Variants in DAB1 observed in about 807,000 individuals in gnomAD.
DAB1 encodes the protein DAB adaptor protein 1.
DAB1 carries 15 observed loss-of-function variants against 64.6 expected under a neutral mutation model. The ratio of observed to expected loss-of-function variants is 0.23; its 90% CI spans 0.16 to 0.36. The LOEUF (loss-of-function observed/expected upper bound fraction) is 0.36. DAB1 is among the 10% of genes least tolerant of loss of function. DAB1 has a pLI of 1.00. For missense variants in DAB1, 596 were observed against 706.7 expected (o/e 0.84, Z 1.78); for synonymous variants, 235 against 251.9 (o/e 0.93, Z 0.64).
intron 3 of DAB1, among the ~76,000 whole-genome samples, chr1:58,345,985 G>C (rs1270614391): frequency 6.6e-6 from 1 of 152,194 alleles, no homozygotes; most frequent in Non-Finnish European, 1.5e-5. Flanking sequence ...CTCAGAGTGA[G>C]ACACTGAGGA....
intron 4 of DAB1, among the ~76,000 whole-genome samples, chr1:58,202,171 G>T (rs1658032631): frequency 6.6e-6 from 1 of 152,158 alleles, no homozygotes; most frequent in Admixed American, 6.5e-5. Flanking sequence ...AGACAATCTG[G>T]AAATTAGATG....
intron 5 of DAB1, among the ~76,000 whole-genome samples, chr1:58,143,843 T>C (rs1454768406): frequency 2.0e-5 from 3 of 152,222 alleles, no homozygotes; most frequent in African/African-American, 7.2e-5. Context: ...TCCTTTCTAC[T>C]ATGTTTTTCT....
chr1:57,868,200 TAAGG>T (rs922274176), intron 1 of DAB1, among the ~76,000 whole-genome samples: 5 of 152,168 alleles, frequency 3.3e-5, no homozygotes, highest in African/African-American at 1.2e-4. Context: ...ATTTGATTAA[TAAGG>T]AAGAAGCCAT....
chr1:58,403,813 G>A (rs1199278661), intron 3 of DAB1, among the ~76,000 whole-genome samples: 3 of 151,920 alleles, frequency 2.0e-5, no homozygotes, highest in Non-Finnish European at 4.4e-5. Flanking sequence ...GCATGCATGC[G>A]CACGCATTCA....
chr1:57,529,225 C>A (rs1038424628), intron 7 of DAB1, among the ~76,000 whole-genome samples: 1 of 151,746 alleles, frequency 6.6e-6, no homozygotes, highest in Non-Finnish European at 1.5e-5. Flanking sequence ...AAAATTAACA[C>A]AAAAAGCATA....
chr1:57,109,375 T>G (rs1655451641), intron 4 of DAB1, among the ~76,000 whole-genome samples: 1 of 152,208 alleles, frequency 6.6e-6, no homozygotes, highest in South Asian at 2.1e-4. Context: ...GGAAAGTGCT[T>G]CGTTTTGAAC....
intron 7 of DAB1, among the ~76,000 whole-genome samples, chr1:57,482,493 A>C (rs1445371871): frequency 5.3e-5 from 8 of 150,966 alleles, no homozygotes; most frequent in Non-Finnish European, 1.2e-4. Flanking sequence ...AAAAAAAAAA[A>C]AAAAAAAAAA....
chr1:58,116,355 T>C (rs1159178052), intron 5 of DAB1, among the ~76,000 whole-genome samples: 5 of 152,204 alleles, frequency 3.3e-5, no homozygotes, highest in African/African-American at 1.2e-4. Flanking sequence ...AAAAGCACTA[T>C]TTGTTTAAGC....
chr1:57,637,241 C>G (rs1558563594), intron 7 of DAB1, among the ~76,000 whole-genome samples: 1 of 152,082 alleles, frequency 6.6e-6, no homozygotes, highest in Non-Finnish European at 1.5e-5. Flanking sequence ...TCATACTTAA[C>G]TATGTGTTGG....
At chr1:57,724,316 GAGGAAGGA>G (rs1162623224) in intron 6 of DAB1, among the ~76,000 whole-genome samples, 2 of 110,252 alleles carry the variant, frequency 1.8e-5, no homozygotes, top group African/African-American at 8.8e-5. Context: ...GGGAGGGAGG[GAGGAAGGA>G]AGGAAGGAAG....
chr1:58,499,448 G>A (rs1021443590), intron 3 of DAB1, among the ~76,000 whole-genome samples: 1 of 137,742 alleles, frequency 7.3e-6, no homozygotes, highest in African/African-American at 2.8e-5. Context: ...TTCCACCACT[G>A]CACTCCAGCC....
intron 7 of DAB1, among the ~76,000 whole-genome samples, chr1:57,622,228 A>T (rs185540625): frequency 3.3e-5 from 5 of 152,040 alleles, no homozygotes; most frequent in Admixed American, 1.3e-4. Context: ...AGGAGGAGAG[A>T]CTCTTACTTC....
chr1:57,854,946 T>C lies in DAB1; in HGVS notation n.88-28491A>G, dbSNP rs116817738. On this transcript the variant is annotated intron_variant and non_coding_transcript_variant, in intron 1 of 1. Transcript: ENST00000477280. ...GAAAAATTAATAACTTATCAACTCA[T>C]TGTAAAATGAAATGGTCACTAGGTT... Among the ~76,000 whole-genome samples, 314 of 152,314 alleles carry C rather than the reference T, an allele frequency of 2.1e-3. 2 individuals are homozygous for C. Among genetic ancestry groups the C allele is most frequent in the African/African-American group, 7.0e-3 (292 of 41,572 alleles).
chr1:57,528,215 A>C lies in DAB1; in HGVS notation n.625+121377T>G, dbSNP rs1293060790. ...GCAAATATGAATTCTAAAATTGAAAATGGTAATATCTGAAAAAATTTAAAA... is the reference window on the plus strand; with the variant it reads ...GCAAATATGAATTCTAAAATTGAAACTGGTAATATCTGAAAAAATTTAAAA... On this transcript the variant is annotated intron_variant and non_coding_transcript_variant, in intron 7 of 20. Transcript: ENST00000485760. 3.3e-5 allele frequency among the ~76,000 whole-genome samples: 5 copies of C among 152,156 alleles called. No homozygotes were observed. In the East Asian group the frequency reaches 9.6e-4, roughly 29 times the overall value.
At chr1:58,258,286 C>T (rs1275705300) in intron 4 of DAB1, among the ~76,000 whole-genome samples, 1 of 152,194 alleles carries the variant, frequency 6.6e-6, no homozygotes, top group Non-Finnish European at 1.5e-5. Flanking sequence ...ACTCTGCCTC[C>T]CTACTGCTCA....
chr1:57,331,197 C>A (rs972620993), intron 1 of DAB1, among the ~76,000 whole-genome samples: 1 of 152,114 alleles, frequency 6.6e-6, no homozygotes, highest in African/African-American at 2.4e-5. Flanking sequence ...TGTCTGCTAA[C>A]GATAAGAACA....
chr1:57,690,369 A>C (rs1264429765), intron 6 of DAB1, among the ~76,000 whole-genome samples: 1 of 152,052 alleles, frequency 6.6e-6, no homozygotes, highest in African/African-American at 2.4e-5. Context: ...CACGGGGCAG[A>C]TTTCCCTCTT....
intron 5 of DAB1, among the ~76,000 whole-genome samples, chr1:58,061,086 C>T (rs11207162): frequency 0.11 from 16,747 of 152,212 alleles, 1,018 homozygotes; most frequent in East Asian, 0.2. Flanking sequence ...TCAGGTCTGA[C>T]GTGGGCTCAG....
chr1:58,194,721 A>T (rs1036934994), intron 4 of DAB1, among the ~76,000 whole-genome samples: 12 of 152,332 alleles, frequency 7.9e-5, no homozygotes, highest in African/African-American at 2.6e-4. Context: ...TCATTCTTCA[A>T]ATTGGATAAT....
Sources: gnomAD v4.1 joint callset for allele counts (sites outside exome capture counted in the v4.1 genomes callset) on GRCh38, gnomAD v4.1.1 for gene constraint, MANE v1.5 for transcripts, NCBI Gene and HGNC (gene_info 2026-07-23, HGNC 2026-07-21) for gene names.